The following MYO16 variants were observed in gnomAD, a reference collection of about 807,000 sequenced individuals.
MYO16 encodes the protein unconventional myosin-XVI.
MYO16 carries 94 observed loss-of-function variants against 205.3 expected under a neutral mutation model. The ratio of observed to expected loss-of-function variants is 0.46; its 90% CI spans 0.39 to 0.54. The LOEUF is 0.54. MYO16 is among the 20% of genes least tolerant of loss of function. The pLI is 0.00. For synonymous variants in MYO16, 988 were observed against 954.0 expected, an observed-to-expected ratio of 1.04 and a Z score of -0.66; for missense variants, 2,315 against 2,387.5, an observed-to-expected ratio of 0.97 and a Z score of 0.63.
At chr13:108,740,119 G>A (rs975488776) in intron 4 of MYO16, among the ~76,000 whole-genome samples, 13 of 148,800 alleles carry the variant, frequency 8.7e-5, no homozygotes, top group Admixed American at 2.7e-4. Flanking sequence ...GTTGTCTGAA[G>A]CCCTCTTCTC....
chr13:108,900,298 G>A (rs1346483025), intron 15 of MYO16, among the ~76,000 whole-genome samples: 2 of 152,056 alleles, frequency 1.3e-5, no homozygotes, highest in Non-Finnish European at 2.9e-5. Context: ...TGAACACTTG[G>A]TCCCTCACAT....
chr13:109,134,414 A>G (rs944707256), intron 31 of MYO16, among the ~76,000 whole-genome samples: 1 of 152,178 alleles, frequency 6.6e-6, no homozygotes, highest in African/African-American at 2.4e-5. Context: ...GGTTTACATA[A>G]AGTAGTGATT....
chr13:109,078,253 C>T (rs1278058799), intron 27 of MYO16, among the ~76,000 whole-genome samples: 1 of 140,822 alleles, frequency 7.1e-6, no homozygotes, highest in Non-Finnish European at 1.5e-5. Context: ...ATGGCAAAAC[C>T]CCATCTCTAC....
At chr13:108,775,071 C>A (rs1162707897) in intron 4 of MYO16, among the ~76,000 whole-genome samples, 1 of 152,120 alleles carries the variant, frequency 6.6e-6, no homozygotes, top group Admixed American at 6.6e-5. Flanking sequence ...CCTCAACTCC[C>A]CCTGCTTCTC....
At chr13:108,928,064 TCA>T (rs1381353020) in intron 16 of MYO16, among the ~76,000 whole-genome samples, 1 of 152,228 alleles carries the variant, frequency 6.6e-6, no homozygotes, top group Admixed American at 6.5e-5. Flanking sequence ...GCTCTGCGTT[TCA>T]CAGTCACATC....
chr13:108,506,041 C>T, the MYO16 span, among the ~76,000 whole-genome samples: 1 of 152,054 alleles, frequency 6.6e-6, no homozygotes, highest in Admixed American at 6.6e-5. Flanking sequence ...TATGCCAGTG[C>T]CATACTGTCT....
chr13:108,501,613 C>G, the MYO16 span, among the ~76,000 whole-genome samples: 2 of 152,184 alleles, frequency 1.3e-5, no homozygotes, highest in African/African-American at 4.8e-5. Flanking sequence ...TTTAAACAAG[C>G]GCCATATAGA....
intron 23 of MYO16, among the ~76,000 whole-genome samples, chr13:109,025,012 C>T (rs1939406774): frequency 6.6e-6 from 1 of 152,154 alleles, no homozygotes; most frequent in South Asian, 2.1e-4. Context: ...ATAGGAGGAA[C>T]ATTGCTAAAT....
chr13:108,610,676 T>A (rs1879140233), intron 1 of MYO16, among the ~76,000 whole-genome samples: 2 of 152,228 alleles, frequency 1.3e-5, no homozygotes, highest in African/African-American at 4.8e-5. Flanking sequence ...TTCTTATATT[T>A]GCTTTATTCT....
intron 6 of MYO16, among the ~76,000 whole-genome samples, chr13:108,794,770 A>G (rs892815922): frequency 2.0e-5 from 3 of 152,204 alleles, no homozygotes; most frequent in East Asian, 3.9e-4. Flanking sequence ...GGGGAAAAAA[A>G]TTTGAGAGAA....
intron 4 of MYO16, among the ~76,000 whole-genome samples, chr13:108,761,453 G>C (rs1370026522): frequency 7.4e-6 from 1 of 135,430 alleles, no homozygotes; most frequent in Non-Finnish European, 1.6e-5. Context: ...GCCGAGGGGG[G>C]AGAAGGAACA....
intron 23 of MYO16, among the ~76,000 whole-genome samples, chr13:109,046,548 G>A (rs1231797013): frequency 1.3e-5 from 2 of 152,160 alleles, no homozygotes. Context: ...TTCTCAAACT[G>A]AAATCACACT....
intron 34 of MYO16, among the ~76,000 whole-genome samples, chr13:109,185,882 G>A (rs956525489): frequency 4.6e-5 from 7 of 152,022 alleles, no homozygotes; most frequent in African/African-American, 1.7e-4. Flanking sequence ...CTTTCAAAGT[G>A]TAAAAAAAAA....
At chr13:108,741,972 A>G (rs1594256639) in intron 4 of MYO16, among the ~76,000 whole-genome samples, 1 of 152,158 alleles carries the variant, frequency 6.6e-6, no homozygotes, top group African/African-American at 2.4e-5. Context: ...CATAAGCAAT[A>G]AACTTATAAT....
At chr13:108,702,560 G>C (rs1253292714) in intron 2 of MYO16, among the ~76,000 whole-genome samples, 1 of 152,068 alleles carries the variant, frequency 6.6e-6, no homozygotes, top group Admixed American at 6.6e-5. Flanking sequence ...AAACTTTCAG[G>C]CTGAAATGAA....
chr13:108,952,682 C>T (rs866593873), intron 16 of MYO16, among the ~76,000 whole-genome samples: 1 of 152,206 alleles, frequency 6.6e-6, no homozygotes, highest in Non-Finnish European at 1.5e-5. Flanking sequence ...TTCCCTTGAT[C>T]TGCCAATCTT....
Position 108,606,046 on chromosome 13 carries a change from G to A in MYO16, c.-39+9807G>A, listed in dbSNP as rs117593641. Among the ~76,000 whole-genome samples the A allele has an allele frequency of 5.3e-5, 8 of 152,316 alleles. No homozygotes were observed. In the East Asian group the frequency reaches 1.5e-3, roughly 29 times the overall value. ...CACTCTTGCTATGCTTTAGCAAGGA[G>A]ACTGATGGCATTTTTCCCCTGCCCT... On this transcript the variant is annotated intron_variant, in intron 1 of 24. Transcript: ENST00000251041.
chr13:109,103,171 A>G (rs112483388), intron 28 of MYO16, among the ~76,000 whole-genome samples: 14 of 152,350 alleles, frequency 9.2e-5, no homozygotes, highest in African/African-American at 2.6e-4. Flanking sequence ...TAAAACAAAA[A>G]ACACTCATTC....
At position 109,206,987 on chromosome 13, in the gene MYO16, C is replaced by CGTGT. The variant is rs111750738; in HGVS notation, c.*166_*169dup. On this transcript the variant is annotated 3_prime_UTR_variant, in exon 35 of 35. Transcript: ENST00000457511. ...CACAGACACTAAATATATGAGATCC[C>CGTGT]GTGTGTGTGTGTGTGTGTTTGTGTG... 3 of 571,688 alleles carry CGTGT rather than the reference C, an allele frequency of 5.2e-6. No individual in the cohort carries two copies. Among genetic ancestry groups the CGTGT allele is most frequent in the Non-Finnish European group, 9.2e-6 (3 of 327,152 alleles). The allele number at this position is 571,688 out of a possible 1,614,324, so 35.4% of individuals were successfully genotyped here.
Sources: gnomAD v4.1 joint callset for allele counts (sites outside exome capture counted in the v4.1 genomes callset) on GRCh38, gnomAD v4.1.1 for gene constraint, MANE v1.5 for transcripts, NCBI Gene and HGNC (gene_info 2026-07-23, HGNC 2026-07-21) for gene names.